The following ANKMY2 variants were observed in gnomAD, a reference collection of about 807,000 sequenced individuals.
The protein encoded by ANKMY2 is ankyrin repeat and MYND domain containing 2.
A neutral mutation model predicts 50.4 loss-of-function variants in ANKMY2; 36 were observed. That is an observed-to-expected ratio of 0.71 (90% confidence interval 0.55 to 0.94). ANKMY2 has a LOEUF of 0.94. Ranked by LOEUF, ANKMY2 falls within the 40% of genes least tolerant of loss-of-function variation. The probability of loss-of-function intolerance (pLI) is 0.00; values close to 1 mark genes in which losing one functional copy is unlikely to be tolerated. For missense variants in ANKMY2, 565 were observed against 524.0 expected, an observed-to-expected ratio of 1.08 and a Z score of -0.76; for synonymous variants, 187 against 178.8, an observed-to-expected ratio of 1.05 and a Z score of -0.36.
intron 7 of ANKMY2, among the ~76,000 whole-genome samples, chr7:16,605,190 G>A (rs6944284): frequency 0.017 from 2,545 of 152,254 alleles, 70 homozygotes; most frequent in African/African-American, 0.059. Flanking sequence ...ATTTTTTTCT[G>A]AGAACTGACA....
At chr7:16,635,190 A>G (rs959426547) in intron 2 of ANKMY2, among the ~76,000 whole-genome samples, 3 of 152,222 alleles carry the variant, frequency 2.0e-5, no homozygotes, top group African/African-American at 7.2e-5. Context: ...AAGAAAAAGG[A>G]ATAATATATG....
intron 5 of ANKMY2, among the ~76,000 whole-genome samples, chr7:16,612,461 A>C (rs1200332374): frequency 6.6e-6 from 1 of 152,182 alleles, no homozygotes; most frequent in Non-Finnish European, 1.5e-5. Flanking sequence ...CTCTACCAAA[A>C]CATACTTTGA....
At chr7:16,602,633 T>A in intron 8 of ANKMY2, 124 bp from the exon 9 acceptor site, 4 of 1,236,218 alleles carry the variant, frequency 3.2e-6, no homozygotes, top group Non-Finnish European at 4.4e-6. Context: ...AAAACCATAA[T>A]ATGTGGTTGA....
chr7:16,601,715 C>T (rs1203422160), intron 9 of ANKMY2, among the ~76,000 whole-genome samples: 1 of 152,160 alleles, frequency 6.6e-6, no homozygotes, highest in Non-Finnish European at 1.5e-5. Flanking sequence ...ATTACATGCA[C>T]TCCCCCAGAA....
At chr7:16,611,607 G>A (rs1045278628) in intron 5 of ANKMY2, among the ~76,000 whole-genome samples, 1 of 152,172 alleles carries the variant, frequency 6.6e-6, no homozygotes, top group African/African-American at 2.4e-5. Flanking sequence ...GAGAATAGGG[G>A]TGGGTCCTTG....
chr7:16,614,573 A>T (rs560985267), intron 5 of ANKMY2, among the ~76,000 whole-genome samples: 2 of 152,346 alleles, frequency 1.3e-5, no homozygotes, highest in East Asian at 1.9e-4. Flanking sequence ...ATGCACAGGG[A>T]TGCATCAACA....
intron 2 of ANKMY2, among the ~76,000 whole-genome samples, chr7:16,629,603 T>C (rs1200634972): frequency 6.6e-6 from 1 of 152,192 alleles, no homozygotes; most frequent in African/African-American, 2.4e-5. Flanking sequence ...ACTGCTCTTT[T>C]TGTCATGTGT....
chr7:16,628,778 C>T (rs575522389), intron 2 of ANKMY2, among the ~76,000 whole-genome samples: 11 of 152,196 alleles, frequency 7.2e-5, no homozygotes, highest in African/African-American at 2.6e-4. Context: ...CCGACTTCAT[C>T]ATGGAGTTTG....
chr7:16,612,053 G>A (rs1781264136), intron 5 of ANKMY2, among the ~76,000 whole-genome samples: 1 of 152,150 alleles, frequency 6.6e-6, no homozygotes, highest in Admixed American at 6.5e-5. Flanking sequence ...ACAAGAACTT[G>A]GATCTAGCTG....
chr7:16,631,929 C>T (rs1253403555), intron 2 of ANKMY2, among the ~76,000 whole-genome samples: 2 of 152,010 alleles, frequency 1.3e-5, no homozygotes, highest in South Asian at 4.1e-4. Context: ...TTTTCTACTT[C>T]TATATGAGAT....
intron 5 of ANKMY2, among the ~76,000 whole-genome samples, chr7:16,615,381 C>T (rs1308581382): frequency 3.3e-5 from 5 of 152,250 alleles, no homozygotes; most frequent in Admixed American, 1.3e-4. Context: ...GGGAGGCTGT[C>T]CTTTCCCTCT....
chr7:16,621,933 C>A (rs990738324), intron 4 of ANKMY2, among the ~76,000 whole-genome samples: 1 of 151,868 alleles, frequency 6.6e-6, no homozygotes, highest in African/African-American at 2.4e-5. Context: ...TATGCCACTG[C>A]ACTCCAGCCT....
At chr7:16,618,495 G>A (rs971333382) in intron 4 of ANKMY2, among the ~76,000 whole-genome samples, 1 of 152,124 alleles carries the variant, frequency 6.6e-6, no homozygotes, top group African/African-American at 2.4e-5. Flanking sequence ...TTTGAAAAGA[G>A]AATTTAATAG....
chr7:16,643,164 G>A (rs1386136141), intron 1 of ANKMY2, among the ~76,000 whole-genome samples: 1 of 152,194 alleles, frequency 6.6e-6, no homozygotes, highest in East Asian at 1.9e-4. Flanking sequence ...CAGAGGACTT[G>A]AGGCTCAGGA....
intron 8 of ANKMY2, 89 bp downstream of exon 8, chr7:16,604,632 G>A: frequency 1.4e-6 from 2 of 1,467,430 alleles, no homozygotes; most frequent in Non-Finnish European, 1.8e-6. Context: ...GAAAACTAAT[G>A]TCCACTCTTA....
chr7:16,610,895 T>C (rs1463125684), intron 5 of ANKMY2, 132 bp from the exon 6 acceptor site: 4 of 759,456 alleles, frequency 5.3e-6, no homozygotes, highest in Non-Finnish European at 8.3e-6. Context: ...TATTATGTTA[T>C]TTGTTAGAAT....
chr7:16,635,223 T>A (rs1403820585), intron 2 of ANKMY2, among the ~76,000 whole-genome samples: 1 of 152,190 alleles, frequency 6.6e-6, no homozygotes, highest in Non-Finnish European at 1.5e-5. Context: ...TGAATCTCTA[T>A]GCTAAATAAA....
At chr7:16,608,727 C>T (rs536110000) in intron 7 of ANKMY2, among the ~76,000 whole-genome samples, 6 of 152,200 alleles carry the variant, frequency 3.9e-5, no homozygotes, top group East Asian at 1.9e-4. Flanking sequence ...GGTGGCTGGG[C>T]GCAGTGGGTC....
intron 8 of ANKMY2, among the ~76,000 whole-genome samples, chr7:16,602,774 G>A (rs992494933): frequency 1.3e-5 from 2 of 152,104 alleles, no homozygotes; most frequent in African/African-American, 4.8e-5. Flanking sequence ...CCCTTCCCTT[G>A]GTGCTGTCCT....
Sources: gnomAD v4.1 joint callset for allele counts (sites outside exome capture counted in the v4.1 genomes callset) on GRCh38, gnomAD v4.1.1 for gene constraint, MANE v1.5 for transcripts, NCBI Gene and HGNC (gene_info 2026-07-23, HGNC 2026-07-21) for gene names.